Variants in MRTFA observed in about 807,000 individuals in gnomAD.
MRTFA encodes myocardin-related transcription factor A.
A neutral mutation model predicts 83.5 loss-of-function variants in MRTFA; 20 were observed. The observed-to-expected ratio is 0.24, with a 90% CI of 0.17 to 0.35. The LOEUF (loss-of-function observed/expected upper bound fraction) is 0.35, where lower values mean the gene tolerates loss of function less well. MRTFA is among the 10% of genes least tolerant of loss of function. The pLI is 1.00. For synonymous variants in MRTFA, 659 were observed against 541.2 expected, an observed-to-expected ratio of 1.22 and a Z score of -3.02; for missense variants, 1,200 against 1,224.7, an observed-to-expected ratio of 0.98 and a Z score of 0.30.
chr22:40,485,372 T>A (rs940108808), intron 3 of MRTFA, among the ~76,000 whole-genome samples: 4 of 152,190 alleles, frequency 2.6e-5, no homozygotes, highest in Non-Finnish European at 5.9e-5. Flanking sequence ...GCCTCTTCGA[T>A]GCTTCTCCTG....
chr22:40,554,873 C>T (rs549975613), intron 2 of MRTFA, among the ~76,000 whole-genome samples: 11 of 152,344 alleles, frequency 7.2e-5, no homozygotes, highest in African/African-American at 2.4e-4. Context: ...CTGCCCAAGG[C>T]TTTGGGAACC....
intron 3 of MRTFA, among the ~76,000 whole-genome samples, chr22:40,521,070 T>A: frequency 6.6e-6 from 1 of 152,080 alleles, no homozygotes; most frequent in Non-Finnish European, 1.5e-5. Flanking sequence ...CATTCTGAGA[T>A]AATTATAGAT....
chr22:40,440,157 A>C (rs1316720921), intron 4 of MRTFA, among the ~76,000 whole-genome samples: 1 of 151,372 alleles, frequency 6.6e-6, no homozygotes, highest in Non-Finnish European at 1.5e-5. Flanking sequence ...GTCTCAAAAA[A>C]AAAAAAAAAA....
At chr22:40,538,985 C>CTTTTTTTTTT (rs201694198) in intron 3 of MRTFA, among the ~76,000 whole-genome samples, 4 of 106,888 alleles carry the variant, frequency 3.7e-5, no homozygotes, top group Non-Finnish European at 5.4e-5. Context: ...GATACACAGC[C>CTTTTTTTTTT]TTTTGTTTTT....
chr22:40,490,549 G>A (rs959124587), intron 3 of MRTFA, among the ~76,000 whole-genome samples: 4 of 151,146 alleles, frequency 2.6e-5, no homozygotes, highest in African/African-American at 7.3e-5. Flanking sequence ...CAGTGAGCAG[G>A]GATTGCGCCA....
At chr22:40,444,430 T>C (rs1380733475) in intron 4 of MRTFA, among the ~76,000 whole-genome samples, 5 of 152,208 alleles carry the variant, frequency 3.3e-5, no homozygotes, top group Non-Finnish European at 7.3e-5. Flanking sequence ...TGGCAAGATA[T>C]GTAAGTCTAC....
intron 14 of MRTFA, among the ~76,000 whole-genome samples, chr22:40,415,957 G>A (rs1018170483): frequency 6.6e-6 from 1 of 151,426 alleles, no homozygotes; most frequent in Non-Finnish European, 1.5e-5. Context: ...TCACACCCTC[G>A]GCAGCCTCCC....
chr22:40,466,549 TA>T (rs1238729174), intron 3 of MRTFA, among the ~76,000 whole-genome samples: 11 of 152,280 alleles, frequency 7.2e-5, no homozygotes, highest in Non-Finnish European at 1.3e-4. Context: ...CTAAGAGGGA[TA>T]AAAGGGCAAA....
At chr22:40,552,396 T>G in intron 2 of MRTFA, 29 bp from the exon 3 acceptor site, 2 of 397,766 alleles carry the variant, frequency 5.0e-6, no homozygotes, top group Non-Finnish European at 8.9e-6. Flanking sequence ...ATGGAAAGTT[T>G]AGATGGTACC....
rs113616626 is a variant in MRTFA at position 40,594,921 on chromosome 22, G to A, written c.-83-186C>T. ...AAAAAAAAAAAAGGCCCATGTAAGTGGAGTTAAATAATAGGTAACACTGAT... is the reference window on the plus strand; with the variant it reads ...AAAAAAAAAAAAGGCCCATGTAAGTAGAGTTAAATAATAGGTAACACTGAT... On this transcript the variant is annotated intron_variant, in intron 1 of 14. Transcript: ENST00000355630. Among the ~76,000 whole-genome samples, 447 of 148,474 alleles carry A rather than the reference G, an allele frequency of 3.0e-3. 1 individual carries two copies. The highest frequency in any genetic ancestry group is 5.1e-3 in the Non-Finnish European group (347 of 67,462).
rs368804385 is a variant in MRTFA, at chr22:40,416,200, G to C, written c.2578+786C>G. On this transcript the variant is annotated intron_variant, in intron 14 of 14. Transcript: ENST00000355630. The surrounding 1 kb of genome is among the most constrained non-coding windows in gnomAD (Gnocchi z 4.2). ...GGCCACAGCCCTTGAAGTCATCCTT[G>C]GCTGTTCCTTCCCTCTCCCCCCACT... 1.0e-3 allele frequency among the ~76,000 whole-genome samples: 153 copies of C among 152,132 alleles called. 4 individuals are homozygous for C. The South Asian group carries it at 0.03, about 30-fold the overall frequency.
intron 1 of MRTFA, among the ~76,000 whole-genome samples, chr22:40,631,740 A>G (rs912557391): frequency 2.6e-5 from 4 of 152,232 alleles, no homozygotes; most frequent in African/African-American, 9.6e-5. Context: ...CTACCTCCAC[A>G]TATTAGCCTC....
chr22:40,418,474 G>A lies in MRTFA; in HGVS notation c.2264C>T (p.Pro755Leu), dbSNP rs751450501. The change falls in exon 12 of 15, where the codon CCT becomes CTT. Residue 755 changes from proline (P) to leucine (L), a missense_variant. By Grantham distance (98) the Pro-to-Leu change is moderately conservative (BLOSUM62 -3). Coordinates refer to ENST00000355630, the MANE Select transcript of MRTFA (RefSeq NM_020831.6). ...TGTGGAGTCGGTGATGAGGGTGGGA[G>A]GTGCAACCCCCTTGATGAGGCTGGG... 8.7e-6 allele frequency: 14 copies of A among 1,613,194 alleles called. No homozygotes were observed. Among genetic ancestry groups the A allele is most frequent in the Admixed American group, 3.3e-5 (2 of 59,788 alleles).
intron 14 of MRTFA, among the ~76,000 whole-genome samples, chr22:40,414,620 A>G (rs1237722875): frequency 6.6e-6 from 1 of 152,182 alleles, no homozygotes; most frequent in East Asian, 1.9e-4. Flanking sequence ...AATAAGCCAG[A>G]CACAGAAGGA....
At chr22:40,586,583 A>C (rs972310274) in intron 2 of MRTFA, 3 of 171,912 alleles carry the variant, frequency 1.7e-5, no homozygotes, top group African/African-American at 7.2e-5. Context: ...AAAGCTCTGA[A>C]GGATTTGTTC....
At chr22:40,586,986 G>T in intron 2 of MRTFA, 1 of 458,344 alleles carries the variant, frequency 2.2e-6, no homozygotes. Flanking sequence ...GTGGTTGCTG[G>T]CCTGGCAAAG....
intron 1 of MRTFA, among the ~76,000 whole-genome samples, chr22:40,623,367 T>C (rs1043294735): frequency 6.6e-6 from 1 of 152,070 alleles, no homozygotes; most frequent in African/African-American, 2.4e-5. Context: ...CATGTGCACA[T>C]TGTGCAGGTT....
At chr22:40,554,097 A>AC (rs2055484135) in intron 2 of MRTFA, among the ~76,000 whole-genome samples, 1 of 151,884 alleles carries the variant, frequency 6.6e-6, no homozygotes, top group South Asian at 2.1e-4. Context: ...CAATGCCTGT[A>AC]CCCCCCATTG....
At chr22:40,486,234 A>G (rs1238390968) in intron 3 of MRTFA, among the ~76,000 whole-genome samples, 1 of 152,170 alleles carries the variant, frequency 6.6e-6, no homozygotes. Context: ...CGTTTTCTTT[A>G]TAACTAATCT....
Sources: gnomAD v4.1 joint callset for allele counts (sites outside exome capture counted in the v4.1 genomes callset) on GRCh38, gnomAD v4.1.1 for gene constraint, Gnocchi (gnomAD v3.1) non-coding constraint, MANE v1.5 for transcripts, NCBI Gene and HGNC (gene_info 2026-07-23, HGNC 2026-07-21) for gene names.